The following FBXO22 variants were observed in gnomAD, a reference collection of about 807,000 sequenced individuals.
FBXO22 encodes the protein F-box only protein 22.
Under a neutral mutation model 37.2 loss-of-function variants are expected in FBXO22, and 13 were observed. The ratio of observed to expected loss-of-function variants is 0.35; its 90% CI spans 0.23 to 0.56. The LOEUF (loss-of-function observed/expected upper bound fraction) is 0.56, where lower values mean the gene tolerates loss of function less well. Ranked by LOEUF, FBXO22 falls within the 20% of genes least tolerant of loss-of-function variation. FBXO22 has a pLI of 0.87. For synonymous variants in FBXO22, 189 were observed against 189.1 expected, an observed-to-expected ratio of 1.00 and a Z score of 0.00; for missense variants, 446 against 509.9, an observed-to-expected ratio of 0.87 and a Z score of 1.21.
chr15:75,918,712 C>A (rs746063272), intron 5 of FBXO22, among the ~76,000 whole-genome samples: 5 of 152,110 alleles, frequency 3.3e-5, no homozygotes, highest in Non-Finnish European at 5.9e-5. Flanking sequence ...ATGGATGAAC[C>A]TGGAGGATGT....
chr15:75,918,791 T>C (rs1454033121), intron 5 of FBXO22, among the ~76,000 whole-genome samples: 1 of 152,114 alleles, frequency 6.6e-6, no homozygotes, highest in African/African-American at 2.4e-5. Flanking sequence ...AATCTAAAAA[T>C]GTTGCTCTCA....
intron 1 of FBXO22, 102 bp from the exon 2 acceptor site, chr15:75,904,389 C>T (rs1899872617): frequency 6.4e-7 from 1 of 1,556,194 alleles, no homozygotes; most frequent in African/African-American, 1.4e-5. Context: ...TTGGATCCCG[C>T]AGGGATCTCC....
rs1900136819 is a variant in FBXO22 at position 75,914,353 on chromosome 15, T to G, written c.463+148T>G. The G allele has an allele frequency of 6.5e-6, 4 of 613,954 alleles. No homozygotes were observed. The Admixed American group carries it at 9.2e-5, about 14-fold the overall frequency. 38.0% of individuals were successfully genotyped at this position (613,954 alleles called of 1,614,324 possible). ...CAGTCATATTTACCATGGCATTATA[T>G]TTGCCTTATATTAATGTTTATTAAG... On this transcript the variant is annotated intron_variant, in intron 4 of 6. Transcript: ENST00000308275.
chr15:75,924,072 T>A (rs1900388332), intron 5 of FBXO22, among the ~76,000 whole-genome samples: 1 of 152,140 alleles, frequency 6.6e-6, no homozygotes, highest in Non-Finnish European at 1.5e-5. Flanking sequence ...TTTGGACATG[T>A]TTGGAATTTG....
chr15:75,914,220 C>G lies in FBXO22; in HGVS notation c.463+15C>G. ...AGGAATTGTAGGTGAGATAAATTAG[C>G]AACTTGATGATTTCTTCCTTGCATT... On this transcript the variant is annotated intron_variant, in intron 4 of 6. Coordinates refer to ENST00000308275, the MANE Select transcript of FBXO22 (RefSeq NM_147188.3). 1 of 1,576,100 alleles carries G rather than the reference C, an allele frequency of 6.3e-7. No homozygotes were observed. The highest frequency in any genetic ancestry group is 8.7e-7 in the Non-Finnish European group (1 of 1,147,708).
intron 2 of FBXO22, chr15:75,905,675 A>G (rs1247235789): frequency 6.6e-6 from 1 of 152,198 alleles, no homozygotes; most frequent in African/African-American, 2.4e-5. Context: ...CTGTTTCTTT[A>G]ATCTCCTTTG....
chr15:75,904,738 C>A, intron 2 of FBXO22, 109 bp downstream of exon 2: 2 of 883,458 alleles, frequency 2.3e-6, no homozygotes, highest in Non-Finnish European at 3.2e-6. Context: ...ACATCTCGTT[C>A]CGTGAAAAGA....
intron 6 of FBXO22, among the ~76,000 whole-genome samples, chr15:75,932,160 G>A (rs957944333): frequency 6.6e-6 from 1 of 152,212 alleles, no homozygotes; most frequent in African/African-American, 2.4e-5. Context: ...GCTGCAGTGA[G>A]CTATGATTGT....
At chr15:75,907,202 C>T (rs910498476) in intron 2 of FBXO22, among the ~76,000 whole-genome samples, 4 of 152,136 alleles carry the variant, frequency 2.6e-5, no homozygotes, top group African/African-American at 7.2e-5. Context: ...CATATACCAG[C>T]GGTGTGACTT....
At chr15:75,914,330 G>C (rs1900136224) in intron 4 of FBXO22, 125 bp downstream of exon 4, 2 of 655,548 alleles carry the variant, frequency 3.1e-6, no homozygotes, top group African/African-American at 3.7e-5. Flanking sequence ...AATAAAGTCA[G>C]TCATATTTAC....
At chr15:75,906,301 T>C (rs1439044265) in intron 2 of FBXO22, among the ~76,000 whole-genome samples, 1 of 152,172 alleles carries the variant, frequency 6.6e-6, no homozygotes, top group Non-Finnish European at 1.5e-5. Context: ...GTCTAGACTC[T>C]CTAAGTGTAC....
chr15:75,926,536 C>A (rs1900444114), intron 5 of FBXO22, among the ~76,000 whole-genome samples: 1 of 152,088 alleles, frequency 6.6e-6, no homozygotes, highest in African/African-American at 2.4e-5. Context: ...GAGAACCAAC[C>A]CACTAGAGAA....
At position 75,935,502 on chromosome 15, in the gene FBXO22, A is replaced by C. The variant is rs1449966624; in HGVS notation, c.*2400A>C. ...GGCTAGTTTCCTTTGTATAAGGCTT[A>C]AGCAAGGAATATATTTCCATGCCCT... On this transcript the variant is annotated 3_prime_UTR_variant, in exon 7 of 7. Transcript: ENST00000308275. 6.6e-6 allele frequency: 1 copy of C among 152,014 alleles called. No homozygotes were observed. The highest frequency in any genetic ancestry group is 1.5e-5 in the Non-Finnish European group (1 of 68,004). 9.4% of individuals were successfully genotyped at this position (152,014 alleles called of 1,614,324 possible). A position where few individuals can be genotyped will look rare whatever the true frequency, so the allele number is the denominator to read the frequency against.
In FBXO22 at chr15:75,935,266, A is replaced by AAACT. The variant is rs1446013100; in HGVS notation, c.*2167_*2170dup. ...CATTAAAGGAGTATTAGCTAAAAAC[A>AAACT]AACTAAATTCCTAGAGATGACAATC... On this transcript the variant is annotated 3_prime_UTR_variant, in exon 7 of 7. Coordinates refer to ENST00000308275, the MANE Select transcript of FBXO22 (RefSeq NM_147188.3). 1 of 152,218 alleles carries AAACT rather than the reference A, an allele frequency of 6.6e-6. No homozygotes were observed. The highest frequency in any genetic ancestry group is 1.5e-5 in the Non-Finnish European group (1 of 68,040). 9.4% of individuals were successfully genotyped at this position (152,218 alleles called of 1,614,324 possible).
rs1335882378 is a variant in FBXO22, at chr15:75,940,564, G to A, written c.*7462G>A. On this transcript the variant is annotated 3_prime_UTR_variant, in exon 7 of 7. Coordinates refer to ENST00000308275, the MANE Select transcript of FBXO22 (RefSeq NM_147188.3). ...CTTGAGAAAGAAGAACAAATTGGAG[G>A]ACTTAAACCTGCAGAGTTTAAAACT... 1.3e-5 allele frequency: 2 copies of A among 151,730 alleles called. No homozygotes were observed. The highest frequency in any genetic ancestry group is 4.8e-5 in the African/African-American group (2 of 41,306). 9.4% of individuals were successfully genotyped at this position (151,730 alleles called of 1,614,324 possible).
Position 75,933,151 on chromosome 15 carries a change from C to A in FBXO22, c.*49C>A. Reference sequence around the variant, plus strand: ...TGTAACTTTTGGGTTCTGCCTTTTTCAGAAAATGGAAACTTGGGCCATGTG... The same window carrying A: ...TGTAACTTTTGGGTTCTGCCTTTTTAAGAAAATGGAAACTTGGGCCATGTG... On this transcript the variant is annotated 3_prime_UTR_variant, in exon 7 of 7. Transcript: ENST00000308275. 1 of 1,492,304 alleles carries A rather than the reference C, an allele frequency of 6.7e-7. No individual in the cohort carries two copies. The highest frequency in any genetic ancestry group is 9.0e-7 in the Non-Finnish European group (1 of 1,109,744). The allele number at this position is 1,492,304 out of a possible 1,614,324, so 92.4% of individuals were successfully genotyped here.
At chr15:75,917,928 G>A (rs921486539) in intron 5 of FBXO22, among the ~76,000 whole-genome samples, 1 of 152,186 alleles carries the variant, frequency 6.6e-6, no homozygotes, top group Non-Finnish European at 1.5e-5. Flanking sequence ...CCTGCAGGTA[G>A]TGTGGATGGA....
At chr15:75,930,374 C>T in intron 6 of FBXO22, 1 of 1,209,092 alleles carries the variant, frequency 8.3e-7, no homozygotes, top group Non-Finnish European at 1.0e-6. Context: ...TAGTTTCCTC[C>T]TTTAAAGGAA....
At chr15:75,914,073 G>A in intron 3 of FBXO22, 37 bp from the exon 4 acceptor site, 7 of 1,438,148 alleles carry the variant, frequency 4.9e-6, no homozygotes, top group Admixed American at 1.9e-5. Context: ...GACTTTAAAT[G>A]GATGATATTT....
Sources: gnomAD v4.1 joint callset for allele counts (sites outside exome capture counted in the v4.1 genomes callset) on GRCh38, gnomAD v4.1.1 for gene constraint, MANE v1.5 for transcripts, NCBI Gene and HGNC (gene_info 2026-07-23, HGNC 2026-07-21) for gene names.